The following FRMD3 variants were observed in gnomAD, a reference collection of about 807,000 sequenced individuals.
The protein encoded by FRMD3 is FERM domain-containing protein 3.
Under a neutral mutation model 70.2 loss-of-function variants are expected in FRMD3, and 33 were observed. That is an observed-to-expected ratio of 0.47 (90% CI 0.36 to 0.63). The LOEUF (loss-of-function observed/expected upper bound fraction) is 0.63, where lower values mean the gene tolerates loss of function less well. FRMD3 is among the 20% of genes least tolerant of loss of function. FRMD3 has a pLI of 0.00. For synonymous variants in FRMD3, 279 were observed against 255.9 expected, an observed-to-expected ratio of 1.09 and a Z score of -0.86; for missense variants, 632 against 711.4, an observed-to-expected ratio of 0.89 and a Z score of 1.27.
At chr9:83,393,899 T>G (rs1188680546) in intron 1 of FRMD3, among the ~76,000 whole-genome samples, 1 of 151,864 alleles carries the variant, frequency 6.6e-6, no homozygotes, top group Non-Finnish European at 1.5e-5. Flanking sequence ...TAAGATCAAT[T>G]TAATTCTATT....
intron 1 of FRMD3, among the ~76,000 whole-genome samples, chr9:83,453,954 A>T (rs1304085918): frequency 6.6e-6 from 1 of 151,966 alleles, no homozygotes; most frequent in African/African-American, 2.4e-5. Context: ...TGACCTCGTG[A>T]TCCATCTGCC....
In FRMD3 at chr9:83,262,819, T is replaced by G. The variant is rs185461386; in HGVS notation, c.1196-14303A>C. 3.9e-3 allele frequency among the ~76,000 whole-genome samples: 598 copies of G among 152,262 alleles called. 3 individuals carry two copies. Among genetic ancestry groups the G allele is most frequent in the African/African-American group, 0.014 (572 of 41,544 alleles). On this transcript the variant is annotated intron_variant, in intron 13 of 13. Coordinates refer to ENST00000304195, the MANE Select transcript of FRMD3 (RefSeq NM_174938.6). ...CTGGGAAGGCTCTCCTATCCCCCACTCCCGGACTGAGATATATGCTACTTA... is the reference window on the plus strand; with the variant it reads ...CTGGGAAGGCTCTCCTATCCCCCACGCCCGGACTGAGATATATGCTACTTA...
At chr9:83,448,377 CTA>C (rs1287928018) in intron 1 of FRMD3, among the ~76,000 whole-genome samples, 2 of 152,160 alleles carry the variant, frequency 1.3e-5, no homozygotes, top group African/African-American at 4.8e-5. Flanking sequence ...CATCATACAG[CTA>C]TGATTCCATG....
At chr9:83,378,653 TATA>T (rs1221205294) in intron 2 of FRMD3, among the ~76,000 whole-genome samples, 4 of 131,484 alleles carry the variant, frequency 3.0e-5, no homozygotes, top group South Asian at 2.1e-4. Flanking sequence ...ATATATTATA[TATA>T]ATATGTATAA....
the FRMD3 span, among the ~76,000 whole-genome samples, chr9:83,577,397 A>C: frequency 6.6e-6 from 1 of 152,046 alleles, no homozygotes; most frequent in Non-Finnish European, 1.5e-5. Context: ...GTTCACATAT[A>C]AACCTTCACA....
At chr9:83,562,565 G>T in the FRMD3 span, among the ~76,000 whole-genome samples, 1 of 152,244 alleles carries the variant, frequency 6.6e-6, no homozygotes, top group South Asian at 2.1e-4. Flanking sequence ...ACGTTTCTCG[G>T]CCGGGCCACC....
intron 1 of FRMD3, among the ~76,000 whole-genome samples, chr9:83,489,078 T>G (rs1198533914): frequency 1.3e-5 from 2 of 151,810 alleles, no homozygotes; most frequent in African/African-American, 4.8e-5. Context: ...GAGGTATCTA[T>G]TTACCATATA....
intron 1 of FRMD3, among the ~76,000 whole-genome samples, chr9:83,469,171 G>A (rs1243522307): frequency 6.6e-6 from 1 of 152,218 alleles, no homozygotes; most frequent in East Asian, 1.9e-4. Flanking sequence ...TACACTGGCT[G>A]GAGACAGTCC....
intron 13 of FRMD3, among the ~76,000 whole-genome samples, chr9:83,285,668 C>A (rs1834176194): frequency 6.6e-6 from 1 of 152,200 alleles, no homozygotes; most frequent in Non-Finnish European, 1.5e-5. Context: ...ATCCAGCATT[C>A]TTCCATAATG....
At chr9:83,540,969 A>T (rs1019278986), upstream of FRMD3, among the ~76,000 whole-genome samples, 3 of 152,098 alleles carry the variant, frequency 2.0e-5, no homozygotes, top group Non-Finnish European at 4.4e-5. Flanking sequence ...TAAGAATAGG[A>T]CTATAAAAGA....
At chr9:83,562,175 CTTAG>C in the FRMD3 span, among the ~76,000 whole-genome samples, 1 of 152,270 alleles carries the variant, frequency 6.6e-6, no homozygotes, top group South Asian at 2.1e-4. Context: ...AGAATGACAA[CTTAG>C]TTAGGTTCCT....
At chr9:83,409,569 A>C (rs4097498) in intron 1 of FRMD3, among the ~76,000 whole-genome samples, 87,887 of 152,170 alleles carry the variant, frequency 0.58, 26,688 homozygotes, top group African/African-American at 0.78. Flanking sequence ...GGCCACAGCA[A>C]ATGCTTGTGT....
At chr9:83,524,082 A>G (rs1013180879) in intron 1 of FRMD3, among the ~76,000 whole-genome samples, 17 of 152,250 alleles carry the variant, frequency 1.1e-4, no homozygotes, top group Non-Finnish European at 5.9e-5. Context: ...CCTAAGCAAA[A>G]ATAATAGTAA....
At chr9:83,453,214 CA>C (rs1827718804) in intron 1 of FRMD3, among the ~76,000 whole-genome samples, 1 of 152,142 alleles carries the variant, frequency 6.6e-6, no homozygotes. Flanking sequence ...TTAAGTCCAT[CA>C]AAAGGGCTGA....
chr9:83,306,686 A>G (rs1403640794), intron 10 of FRMD3, among the ~76,000 whole-genome samples: 1 of 152,100 alleles, frequency 6.6e-6, no homozygotes, highest in Non-Finnish European at 1.5e-5. Context: ...GAGCTAGTAA[A>G]TGTGTTTTCA....
At chr9:83,541,382 G>A (rs948952637), upstream of FRMD3, among the ~76,000 whole-genome samples, 1 of 152,190 alleles carries the variant, frequency 6.6e-6, no homozygotes, top group African/African-American at 2.4e-5. Flanking sequence ...TCAGCTAAAT[G>A]AAGATGAGAA....
At chr9:83,433,913 G>A (rs560361385) in intron 1 of FRMD3, among the ~76,000 whole-genome samples, 11 of 152,166 alleles carry the variant, frequency 7.2e-5, no homozygotes, top group Admixed American at 3.3e-4. Flanking sequence ...TGTGCAGCCC[G>A]GTTCCTACTG....
chr9:83,389,048 C>G (rs1178690226), intron 2 of FRMD3, among the ~76,000 whole-genome samples: 1 of 150,358 alleles, frequency 6.7e-6, no homozygotes, highest in East Asian at 2.0e-4. Context: ...CAGGCTCAAG[C>G]TATTCTGCCC....
chr9:83,249,328 T>TC (rs1173534830), intron 13 of FRMD3, among the ~76,000 whole-genome samples: 1 of 152,242 alleles, frequency 6.6e-6, no homozygotes. Context: ...GAGGTGTTTC[T>TC]CAATGCCTCA....
Sources: allele counts gnomAD v4.1 joint callset (sites outside exome capture counted in the v4.1 genomes callset), GRCh38; gene constraint gnomAD v4.1.1; transcripts MANE v1.5; gene names NCBI Gene and HGNC (gene_info 2026-07-23, HGNC 2026-07-21).